Variants in SLC44A1 observed in about 807,000 individuals in gnomAD.
SLC44A1 encodes choline transporter-like protein 1.
SLC44A1 carries 26 observed loss-of-function variants against 79.3 expected under a neutral mutation model. The ratio of observed to expected loss-of-function variants is 0.33; its 90% CI spans 0.24 to 0.46. The LOEUF (loss-of-function observed/expected upper bound fraction) is 0.46. SLC44A1 is among the 20% of genes least tolerant of loss of function. The pLI, the probability that SLC44A1 is intolerant of heterozygous loss-of-function variation, is 1.00. For synonymous variants in SLC44A1, 263 were observed against 286.2 expected (o/e 0.92, Z 0.82); for missense variants, 688 against 798.1 (o/e 0.86, Z 1.66).
intron 1 of SLC44A1, among the ~76,000 whole-genome samples, chr9:105,245,630 G>A (rs1829422085): frequency 6.6e-6 from 1 of 152,236 alleles, no homozygotes; most frequent in Non-Finnish European, 1.5e-5. Flanking sequence ...GTGGGTGACG[G>A]GAGCGCTACG....
At chr9:105,344,972 G>T (rs775771854) in intron 4 of SLC44A1, among the ~76,000 whole-genome samples, 8 of 152,186 alleles carry the variant, frequency 5.3e-5, no homozygotes, top group Non-Finnish European at 8.8e-5. Flanking sequence ...GGAACAGCAT[G>T]TGTGAAAGCC....
intron 12 of SLC44A1, among the ~76,000 whole-genome samples, chr9:105,374,341 G>A (rs1306568173): frequency 6.6e-6 from 1 of 152,236 alleles, no homozygotes; most frequent in Non-Finnish European, 1.5e-5. Flanking sequence ...AGGGGTGTTA[G>A]AAAGGTTTGT....
chr9:105,276,616 GTGTA>G (rs1554785754), intron 1 of SLC44A1, among the ~76,000 whole-genome samples: 35 of 135,048 alleles, frequency 2.6e-4, no homozygotes, highest in East Asian at 6.1e-4. Context: ...GTGTGTGTGT[GTGTA>G]TGTGCCTGCA....
intron 15 of SLC44A1, among the ~76,000 whole-genome samples, chr9:105,410,761 G>A (rs971986627): frequency 2.0e-5 from 3 of 152,038 alleles, no homozygotes; most frequent in African/African-American, 7.2e-5. Flanking sequence ...CATTATTCAC[G>A]ATAACCAAAA....
At chr9:105,370,505 C>T (rs1828063587) in intron 12 of SLC44A1, among the ~76,000 whole-genome samples, 1 of 152,118 alleles carries the variant, frequency 6.6e-6, no homozygotes, top group Admixed American at 6.5e-5. Flanking sequence ...ATTATTGCTG[C>T]TTATCTACCA....
intron 15 of SLC44A1, among the ~76,000 whole-genome samples, chr9:105,420,498 T>A (rs1038967187): frequency 6.6e-6 from 1 of 152,146 alleles, no homozygotes; most frequent in Admixed American, 6.5e-5. Flanking sequence ...TATATCTCTT[T>A]CTTTTCTTTC....
intron 15 of SLC44A1, among the ~76,000 whole-genome samples, chr9:105,421,648 C>T (rs933352360): frequency 1.4e-5 from 2 of 146,624 alleles, no homozygotes; most frequent in African/African-American, 2.5e-5. Flanking sequence ...AGTGCAGTGG[C>T]GCGATCTCGG....
At chr9:105,257,968 C>T (rs1282099952) in intron 1 of SLC44A1, among the ~76,000 whole-genome samples, 1 of 152,200 alleles carries the variant, frequency 6.6e-6, no homozygotes, top group Non-Finnish European at 1.5e-5. Flanking sequence ...GACAGCATAA[C>T]TGCACCTGAA....
chr9:105,397,844 A>T (rs1588868257), downstream of SLC44A1, among the ~76,000 whole-genome samples: 3 of 152,180 alleles, frequency 2.0e-5, no homozygotes, highest in South Asian at 6.2e-4. Flanking sequence ...GCTACTCGGG[A>T]GACTGAGGCA....
chr9:105,335,518 T>G (rs572639094), intron 3 of SLC44A1, 45 bp from the exon 4 acceptor site: 20 of 1,519,106 alleles, frequency 1.3e-5, no homozygotes, highest in Admixed American at 1.7e-5. Context: ...GGACCCACAA[T>G]GTGTTTTGTG....
In SLC44A1 at chr9:105,348,444, C is replaced by G; in HGVS notation, c.493C>G (p.Pro165Ala). The G allele has an allele frequency of 6.3e-7, 1 of 1,595,504 alleles. No homozygotes were observed. Among genetic ancestry groups the G allele is most frequent in the Non-Finnish European group, 8.6e-7 (1 of 1,163,476 alleles). ...TGTTCTCTGCCCCAAACTACCAGTTCCAGCGAGGTAAATTTTATTGCAAAG... is the reference window on the plus strand; with the variant it reads ...TGTTCTCTGCCCCAAACTACCAGTTGCAGCGAGGTAAATTTTATTGCAAAG... ...SSVLCPKLPV[P>A]ASAPIPFFHR... The change falls in exon 5 of 16, where the codon CCA becomes GCA. Residue 165 changes from proline (P) to alanine (A), a missense_variant. Transcript: ENST00000374720.
chr9:105,363,489 G>C (rs545053971), intron 9 of SLC44A1, among the ~76,000 whole-genome samples: 1 of 150,544 alleles, frequency 6.6e-6, no homozygotes, highest in South Asian at 2.1e-4. Context: ...TTTTGAGACA[G>C]AGTGTCTCTC....
At chr9:105,429,028 C>T (rs778209015) in intron 15 of SLC44A1, among the ~76,000 whole-genome samples, 7 of 152,234 alleles carry the variant, frequency 4.6e-5, no homozygotes, top group Middle Eastern at 3.4e-3. Flanking sequence ...TTAATAAATT[C>T]GGATATTCTT....
chr9:105,263,533 G>A (rs887887570), intron 1 of SLC44A1, among the ~76,000 whole-genome samples: 1 of 145,728 alleles, frequency 6.9e-6, no homozygotes, highest in Admixed American at 6.8e-5. Context: ...TTACACATGT[G>A]TGTATTTTTT....
intron 1 of SLC44A1, among the ~76,000 whole-genome samples, chr9:105,258,455 C>G (rs970245156): frequency 5.3e-5 from 8 of 152,042 alleles, no homozygotes; most frequent in Non-Finnish European, 1.5e-5. Flanking sequence ...GAGGTGGGTC[C>G]CAGTTAGCCT....
intron 1 of SLC44A1, among the ~76,000 whole-genome samples, chr9:105,264,535 T>C (rs924855789): frequency 2.0e-5 from 3 of 152,214 alleles, no homozygotes; most frequent in Non-Finnish European, 4.4e-5. Context: ...TATTTCATCA[T>C]TTGTCACTCT....
At chr9:105,422,177 A>G (rs528037646) in intron 15 of SLC44A1, among the ~76,000 whole-genome samples, 1 of 152,024 alleles carries the variant, frequency 6.6e-6, no homozygotes, top group African/African-American at 2.4e-5. Flanking sequence ...ATTTCCCCTT[A>G]AATCAGCAGG....
At chr9:105,273,148 C>A (rs1216566308) in intron 1 of SLC44A1, among the ~76,000 whole-genome samples, 1 of 151,658 alleles carries the variant, frequency 6.6e-6, no homozygotes, top group East Asian at 1.9e-4. Flanking sequence ...CCCACCAGTA[C>A]ACCTGGCTAA....
In SLC44A1 at chr9:105,390,579, T is replaced by C. The variant is rs1486407331; in HGVS notation, c.*1523T>C. ...TACAAGTAATGTCACTAGGGCTTAA[T>C]AAGCAGCCGTTTGCTAATGTGCTTC... On this transcript the variant is annotated 3_prime_UTR_variant, in exon 16 of 16. Coordinates refer to ENST00000374720, the MANE Select transcript of SLC44A1 (RefSeq NM_080546.5). The C allele has an allele frequency of 1.0e-6, 1 of 985,714 alleles. No homozygotes were observed. The highest frequency in any genetic ancestry group is 1.2e-6 in the Non-Finnish European group (1 of 829,934). The allele number at this position is 985,714 out of a possible 1,614,324, so 61.1% of individuals were successfully genotyped here. A position where few individuals can be genotyped will look rare whatever the true frequency, so the allele number is the denominator to read the frequency against.
Sources: allele counts gnomAD v4.1 joint callset (sites outside exome capture counted in the v4.1 genomes callset), GRCh38; gene constraint gnomAD v4.1.1; transcripts MANE v1.5; gene names NCBI Gene and HGNC (gene_info 2026-07-23, HGNC 2026-07-21).